Variants in SP3 observed in about 807,000 individuals in gnomAD.
The protein encoded by SP3 is transcription factor Sp3.
In SP3, 10 loss-of-function variants were observed where a neutral mutation model predicts 70.3. That is an observed-to-expected ratio of 0.14 (90% confidence interval 0.09 to 0.24). The LOEUF is 0.24. Ranked by LOEUF, SP3 falls within the 10% of genes least tolerant of loss-of-function variation. The probability of loss-of-function intolerance (pLI) is 1.00; values close to 1 mark genes in which losing one functional copy is unlikely to be tolerated. For missense variants in SP3, 825 were observed against 914.6 expected, an observed-to-expected ratio of 0.90 and a Z score of 1.26; for synonymous variants, 402 against 333.5, an observed-to-expected ratio of 1.21 and a Z score of -2.24.
At chr2:173,932,713 T>C (rs1690100259) in intron 4 of SP3, among the ~76,000 whole-genome samples, 1 of 151,212 alleles carries the variant, frequency 6.6e-6, no homozygotes, top group Non-Finnish European at 1.5e-5. Flanking sequence ...ATAATGAAGG[T>C]CGGGCGCAGT....
chr2:173,911,978 C>A (rs1221756701), intron 6 of SP3, among the ~76,000 whole-genome samples: 1 of 152,068 alleles, frequency 6.6e-6, no homozygotes, highest in Non-Finnish European at 1.5e-5. Context: ...ACCATCCGCC[C>A]GGCTATTCTT....
At chr2:173,961,718 G>A (rs1203162289) in intron 3 of SP3, among the ~76,000 whole-genome samples, 3 of 152,110 alleles carry the variant, frequency 2.0e-5, no homozygotes, top group Admixed American at 2.0e-4. Flanking sequence ...CCAGTCATTT[G>A]AGTAATAAAA....
chr2:173,965,321 G>C lies in SP3; in HGVS notation c.-150C>G, dbSNP rs1691260599. 3 of 904,578 alleles carry C rather than the reference G, an allele frequency of 3.3e-6. No homozygotes were observed. The highest frequency in any genetic ancestry group is 5.1e-6 in the Non-Finnish European group (3 of 587,600). 56.0% of individuals were successfully genotyped at this position (904,578 alleles called of 1,614,324 possible). ...TTTTTTTCCTATTTTGATTGACTGT[G>C]CGGGAAACACAAAAGGTGGAGCCTC... is the stretch of plus-strand genomic sequence containing the variant. On this transcript the variant is annotated 5_prime_UTR_variant, in exon 1 of 7. Transcript: ENST00000310015.
chr2:173,920,077 A>C (rs911453779), intron 4 of SP3, among the ~76,000 whole-genome samples: 1 of 151,120 alleles, frequency 6.6e-6, no homozygotes, highest in Non-Finnish European at 1.5e-5. Context: ...CATTTCGAAC[A>C]AAAGAAGCCC....
rs1193451332 is a variant in SP3, at chr2:173,955,465, T to G, written c.1047A>C (p.Leu349Phe). 6.2e-7 allele frequency: 1 copy of G among 1,614,030 alleles called. No individual in the cohort carries two copies. Among genetic ancestry groups the G allele is most frequent in the African/African-American group, 1.3e-5 (1 of 74,912 alleles). The change falls in exon 4 of 7, where the codon TTA becomes TTC. Residue 349 changes from leucine (L) to phenylalanine (F), a missense_variant. Coordinates refer to ENST00000310015, the MANE Select transcript of SP3 (RefSeq NM_003111.5). ...TAGTCAAGCTATTTGTGTTTTGTTG[T>G]AATATACCTGTACTATCTATCGTAA... ...LPVTIDSTGI[L>F]QQNTNSLTTS...
chr2:173,951,810 C>G (rs7569518), intron 4 of SP3, among the ~76,000 whole-genome samples: 5,449 of 152,242 alleles, frequency 0.036, 162 homozygotes, highest in Admixed American at 0.1. Context: ...TTGAATGGAT[C>G]TTTTACTCAT....
chr2:173,941,497 C>T (rs2105482885), intron 4 of SP3, among the ~76,000 whole-genome samples: 1 of 152,246 alleles, frequency 6.6e-6, no homozygotes, highest in Admixed American at 6.5e-5. Flanking sequence ...GCAGTCCCAG[C>T]TACTTGGGAA....
intron 3 of SP3, among the ~76,000 whole-genome samples, chr2:173,958,327 C>G (rs1393595256): frequency 1.4e-5 from 2 of 146,628 alleles, no homozygotes; most frequent in African/African-American, 5.1e-5. Flanking sequence ...CATCACTGAA[C>G]AGCTTTCTAG....
Position 173,964,567 on chromosome 2 carries a change from G to A in SP3, c.8-14C>T, listed in dbSNP as rs1339885188. 5.9e-6 allele frequency: 4 copies of A among 679,866 alleles called. No individual in the cohort carries two copies. Among genetic ancestry groups the A allele is most frequent in the African/African-American group, 3.8e-5 (2 of 53,198 alleles). The allele number at this position is 679,866 out of a possible 1,614,324, so 42.1% of individuals were successfully genotyped here. A position where few individuals can be genotyped will look rare whatever the true frequency, so the allele number is the denominator to read the frequency against. On this transcript the variant is annotated splice_polypyrimidine_tract_variant and intron_variant, in intron 1 of 6. Transcript: ENST00000310015. ...GCTTTTCGGGAGCTGCAGGCACAGC[G>A]CGGGGGGGTGGGGGTGGGGAGGAAG...
intron 4 of SP3, among the ~76,000 whole-genome samples, chr2:173,935,142 G>A (rs1227866803): frequency 6.6e-6 from 1 of 152,162 alleles, no homozygotes; most frequent in Non-Finnish European, 1.5e-5. Context: ...GCCGAGGCGG[G>A]AGAACTGACT....
At chr2:173,946,452 T>G (rs1690540444) in intron 4 of SP3, among the ~76,000 whole-genome samples, 1 of 152,066 alleles carries the variant, frequency 6.6e-6, no homozygotes, top group Non-Finnish European at 1.5e-5. Context: ...ATTCAAATCA[T>G]CAATTTTTTA....
At chr2:173,965,014 G>A in intron 1 of SP3, 151 bp downstream of exon 1, 1 of 969,856 alleles carries the variant, frequency 1.0e-6, no homozygotes, top group East Asian at 3.1e-5. Context: ...GGGAGGGGAG[G>A]GAGGCGCAGG....
intron 5 of SP3, chr2:173,915,645 T>C (rs1360449935): frequency 6.6e-6 from 1 of 152,016 alleles, no homozygotes; most frequent in Admixed American, 6.6e-5. Flanking sequence ...GGACATAAAC[T>C]GAAATGCTGA....
upstream of SP3, chr2:173,965,384 G>T (rs1691262780): frequency 6.8e-6 from 4 of 584,882 alleles, no homozygotes; most frequent in Non-Finnish European, 9.1e-6. Context: ...AGCCCGCCCG[G>T]AACTCCCGCC....
chr2:173,931,840 T>C (rs1016105734), intron 4 of SP3, among the ~76,000 whole-genome samples: 7 of 152,222 alleles, frequency 4.6e-5, no homozygotes, highest in African/African-American at 1.4e-4. Flanking sequence ...ATTCACAGAA[T>C]TGAAGAGTTA....
intron 6 of SP3, 29 bp downstream of exon 6, chr2:173,913,041 T>G (rs540952920): frequency 6.7e-7 from 1 of 1,494,964 alleles, no homozygotes; most frequent in South Asian, 1.4e-5. Context: ...ATAATTCATT[T>G]TTGTCTGTTA....
At position 173,929,611 on chromosome 2, in the gene SP3, G is replaced by C. The variant is rs145683362; in HGVS notation, c.1640-10826C>G. On this transcript the variant is annotated intron_variant, in intron 4 of 6. Coordinates refer to ENST00000310015, the MANE Select transcript of SP3 (RefSeq NM_003111.5). ...AAGCCAGGCTGAACAGATTGTGCAA[G>C]GGCTCTCTGTCCTGGAAGGTGGGGA... Among the ~76,000 whole-genome samples the C allele has an allele frequency of 8.5e-4, 130 of 152,320 alleles. 1 individual carries two copies. The highest frequency in any genetic ancestry group is 3.1e-3 in the African/African-American group (128 of 41,564).
In SP3 at chr2:173,955,846, A is replaced by G. The variant is rs1447033042; in HGVS notation, c.666T>C (p.Ala222=). 11 of 1,614,232 alleles carry G rather than the reference A, an allele frequency of 6.8e-6. No homozygotes were observed. Among genetic ancestry groups the G allele is most frequent in the South Asian group, 1.1e-5 (1 of 91,088 alleles). The change falls in exon 4 of 7, where the codon GCT becomes GCC. Residue 222 remains alanine, a synonymous_variant. Transcript: ENST00000310015. ...TCTGTGGTATGAGATTCTGGATGTT[A>G]GCAGAAGGTGTTCCAGAGGCAAGTA... ...QTLLASGTPS[A]NIQNLIPQTG...
intron 4 of SP3, among the ~76,000 whole-genome samples, chr2:173,953,639 CA>C (rs1411473000): frequency 3.4e-4 from 51 of 152,136 alleles, no homozygotes; most frequent in Non-Finnish European, 5.0e-4. Context: ...CCCAGTTATT[CA>C]GGAGCTAATC....
Sources: gnomAD v4.1 joint callset for allele counts (sites outside exome capture counted in the v4.1 genomes callset) on GRCh38, gnomAD v4.1.1 for gene constraint, MANE v1.5 for transcripts, NCBI Gene and HGNC (gene_info 2026-07-23, HGNC 2026-07-21) for gene names.